CNTNAP2: variants seen among roughly 807,000 people sequenced by gnomAD.
CNTNAP2 encodes the protein contactin-associated protein-like 2.
In CNTNAP2, 98 loss-of-function variants were observed where a neutral mutation model predicts 155.2. That is an observed-to-expected ratio of 0.63 (90% confidence interval 0.54 to 0.75). The LOEUF (loss-of-function observed/expected upper bound fraction) is 0.75. Ranked by LOEUF, CNTNAP2 falls within the 30% of genes least tolerant of loss-of-function variation. The pLI, the probability that CNTNAP2 is intolerant of heterozygous loss-of-function variation, is 0.00. For missense variants in CNTNAP2, 1,727 were observed against 1,688.1 expected (o/e 1.02, Z -0.40); for synonymous variants, 651 against 631.2 (o/e 1.03, Z -0.47).
intron 16 of CNTNAP2, among the ~76,000 whole-genome samples, chr7:148,125,657 G>C (rs76943223): frequency 2.5e-4 from 14 of 55,938 alleles, no homozygotes; most frequent in Admixed American, 1.4e-3. Context: ...TTATAAAACT[G>C]TGTGTGTGTG....
rs1188772635 is a variant in CNTNAP2, at chr7:148,361,237, G to A, written c.3476-22412G>A. 2.0e-5 allele frequency among the ~76,000 whole-genome samples: 3 copies of A among 152,132 alleles called. No homozygotes were observed. In the East Asian group the frequency reaches 5.8e-4, roughly 29 times the overall value. ...CAACTAAGTCTCTCATTTAAAAAGTGTTTCTTTTAGGTGAATTCAGTCTCT... is the reference window on the plus strand; with the variant it reads ...CAACTAAGTCTCTCATTTAAAAAGTATTTCTTTTAGGTGAATTCAGTCTCT... On this transcript the variant is annotated intron_variant, in intron 21 of 23. Coordinates refer to ENST00000361727, the MANE Select transcript of CNTNAP2 (RefSeq NM_014141.6).
At chr7:147,018,275 C>G (rs896048876) in intron 3 of CNTNAP2, among the ~76,000 whole-genome samples, 2 of 152,024 alleles carry the variant, frequency 1.3e-5, no homozygotes, top group African/African-American at 2.4e-5. Context: ...AGCTGCAAGA[C>G]AAGCCCAATT....
intron 21 of CNTNAP2, among the ~76,000 whole-genome samples, chr7:148,318,307 C>T (rs541458014): frequency 6.6e-6 from 1 of 152,150 alleles, no homozygotes; most frequent in Non-Finnish European, 1.5e-5. Flanking sequence ...CCCTGCCTCT[C>T]GCCATTCTCA....
chr7:146,156,235 G>A (rs1798123897), intron 1 of CNTNAP2, among the ~76,000 whole-genome samples: 1 of 152,140 alleles, frequency 6.6e-6, no homozygotes, highest in Non-Finnish European at 1.5e-5. Flanking sequence ...TACCATAGTA[G>A]TCTAAGGGCT....
At chr7:147,434,803 T>G (rs958715667) in intron 10 of CNTNAP2, among the ~76,000 whole-genome samples, 1 of 152,246 alleles carries the variant, frequency 6.6e-6, no homozygotes, top group Non-Finnish European at 1.5e-5. Flanking sequence ...CATGGTCTGC[T>G]ATGCTGCGCA....
intron 1 of CNTNAP2, among the ~76,000 whole-genome samples, chr7:146,712,135 AT>A (rs756604542): frequency 0.045 from 5,252 of 116,802 alleles, 623 homozygotes; most frequent in African/African-American, 0.15. Context: ...TACATATCTT[AT>A]GTATACTATA....
At chr7:147,924,070 G>A (rs1229275960) in intron 14 of CNTNAP2, among the ~76,000 whole-genome samples, 1 of 151,956 alleles carries the variant, frequency 6.6e-6, no homozygotes, top group Non-Finnish European at 1.5e-5. Flanking sequence ...ATGTTGGACA[G>A]CTCCAGGCAT....
At chr7:147,673,521 C>T (rs1162023668) in intron 13 of CNTNAP2, among the ~76,000 whole-genome samples, 1 of 152,190 alleles carries the variant, frequency 6.6e-6, no homozygotes, top group African/African-American at 2.4e-5. Flanking sequence ...TAGCATGCTG[C>T]TTTCTAGCTA....
intron 8 of CNTNAP2, among the ~76,000 whole-genome samples, chr7:147,175,552 A>T (rs757408961): frequency 6.6e-5 from 10 of 152,176 alleles, no homozygotes; most frequent in Non-Finnish European, 1.3e-4. Context: ...CAGTGAAACC[A>T]CTATGAGGTG....
At chr7:147,414,831 C>T (rs1380481613) in intron 10 of CNTNAP2, among the ~76,000 whole-genome samples, 5 of 149,936 alleles carry the variant, frequency 3.3e-5, no homozygotes, top group African/African-American at 9.9e-5. Flanking sequence ...GTCCCAGCTA[C>T]GCGGGAGGCT....
At chr7:148,310,940 A>G (rs1357634668) in intron 21 of CNTNAP2, among the ~76,000 whole-genome samples, 2 of 152,208 alleles carry the variant, frequency 1.3e-5, no homozygotes, top group East Asian at 1.9e-4. Context: ...GGGGCTGGGT[A>G]TAAGTAAACA....
chr7:146,493,120 A>G (rs980547210), intron 1 of CNTNAP2, among the ~76,000 whole-genome samples: 1 of 152,174 alleles, frequency 6.6e-6, no homozygotes, highest in Non-Finnish European at 1.5e-5. Flanking sequence ...CTTGACATGA[A>G]CTCAGTTTGA....
chr7:147,588,967 A>ATTAC, intron 12 of CNTNAP2, among the ~76,000 whole-genome samples: 1 of 152,278 alleles, frequency 6.6e-6, no homozygotes, highest in South Asian at 2.1e-4. Context: ...GTATATGTTG[A>ATTAC]TTACTTCATG....
intron 13 of CNTNAP2, among the ~76,000 whole-genome samples, chr7:147,834,171 G>A (rs961214282): frequency 6.6e-6 from 1 of 151,998 alleles, no homozygotes; most frequent in Admixed American, 6.6e-5. Context: ...TTTTCTTGTA[G>A]TGCAAGAATA....
intron 22 of CNTNAP2, chr7:148,389,769 G>C (rs1228545102): frequency 6.6e-6 from 1 of 152,136 alleles, no homozygotes; most frequent in Non-Finnish European, 1.5e-5. Flanking sequence ...CTGGCTCTTG[G>C]TGGTGCTTCT....
At chr7:147,945,653 A>G (rs536517991) in intron 14 of CNTNAP2, among the ~76,000 whole-genome samples, 47 of 150,786 alleles carry the variant, frequency 3.1e-4, no homozygotes, top group Admixed American at 2.9e-3. Flanking sequence ...AGTCAGGCAT[A>G]GTCTGTTATC....
chr7:148,326,567 A>C (rs1228895533), intron 21 of CNTNAP2, among the ~76,000 whole-genome samples: 1 of 152,128 alleles, frequency 6.6e-6, no homozygotes, highest in Non-Finnish European at 1.5e-5. Flanking sequence ...TCAGGAAAGA[A>C]AATAAATAGA....
chr7:147,012,060 T>A (rs1798637535), intron 3 of CNTNAP2, among the ~76,000 whole-genome samples: 1 of 152,232 alleles, frequency 6.6e-6, no homozygotes, highest in South Asian at 2.1e-4. Context: ...GCTCCCATGT[T>A]ATGTAAAACC....
chr7:147,363,453 C>G (rs1296097655), intron 9 of CNTNAP2, among the ~76,000 whole-genome samples: 1 of 152,194 alleles, frequency 6.6e-6, no homozygotes, highest in East Asian at 1.9e-4. Flanking sequence ...CGTATAAAGA[C>G]AGTTACACAG....
Sources: allele counts gnomAD v4.1 joint callset (sites outside exome capture counted in the v4.1 genomes callset), GRCh38; gene constraint gnomAD v4.1.1; transcripts MANE v1.5; gene names NCBI Gene and HGNC (gene_info 2026-07-23, HGNC 2026-07-21).